NAV2: variants seen among roughly 807,000 people sequenced by gnomAD.
The protein encoded by NAV2 is helicase, APC down-regulated 1.
NAV2 carries 54 observed loss-of-function variants against 223.2 expected under a neutral mutation model. The ratio of observed to expected loss-of-function variants is 0.24; its 90% CI spans 0.19 to 0.30. The LOEUF is 0.30. Among genes scored for constraint, NAV2 ranks in the 10% least tolerant of loss-of-function variants. NAV2 has a pLI of 1.00. For synonymous variants in NAV2, 1,279 were observed against 1,239.3 expected (o/e 1.03, Z -0.67); for missense variants, 2,806 against 3,147.5 (o/e 0.89, Z 2.60).
At chr11:19,910,854 T>C (rs935224029) in intron 6 of NAV2, among the ~76,000 whole-genome samples, 3 of 152,082 alleles carry the variant, frequency 2.0e-5, no homozygotes, top group Non-Finnish European at 4.4e-5. Context: ...CGAGACTCTG[T>C]CTCCGAAACA....
chr11:19,813,289 G>A (rs2058933736), intron 1 of NAV2, among the ~76,000 whole-genome samples: 3 of 152,136 alleles, frequency 2.0e-5, no homozygotes, highest in Non-Finnish European at 4.4e-5. Flanking sequence ...AGCATGTAAG[G>A]TTTTGCTCTT....
chr11:19,895,938 C>A (rs1290175518), intron 6 of NAV2, among the ~76,000 whole-genome samples: 1 of 152,098 alleles, frequency 6.6e-6, no homozygotes, highest in Non-Finnish European at 1.5e-5. Flanking sequence ...TTGTCCTTCA[C>A]CTTGAGTTCT....
Position 19,717,940 on chromosome 11 carries a change from C to T in NAV2, c.267+3978C>T, listed in dbSNP as rs917330060. On this transcript the variant is annotated intron_variant, in intron 1 of 37. Transcript: ENST00000349880. ...TTCATCTCCATCAAGTGTGAAAAGA[C>T]CTAACTTAGCCAGCAAGTAGCTGTT... is the stretch of plus-strand genomic sequence containing the variant. 1.3e-4 allele frequency among the ~76,000 whole-genome samples: 20 copies of T among 152,174 alleles called. No homozygotes were observed. In the South Asian group the frequency reaches 2.3e-3, roughly 17 times the overall value.
chr11:19,990,052 A>G (rs1352793835), intron 11 of NAV2, among the ~76,000 whole-genome samples: 1 of 152,182 alleles, frequency 6.6e-6, no homozygotes, highest in Admixed American at 6.5e-5. Flanking sequence ...AAGAGGAAAA[A>G]GGGAATAGTT....
At chr11:19,853,608 T>C (rs1187684690) in intron 3 of NAV2, among the ~76,000 whole-genome samples, 2 of 152,234 alleles carry the variant, frequency 1.3e-5, no homozygotes, top group East Asian at 3.8e-4. Context: ...AGTCAAAAGT[T>C]TGGGCATTCC....
intron 6 of NAV2, among the ~76,000 whole-genome samples, chr11:19,932,257 A>AAAAG (rs1555153007): frequency 0.18 from 17,033 of 96,820 alleles, 1,552 homozygotes; most frequent in East Asian, 0.32. Context: ...AAAAAAAAAA[A>AAAAG]AAAGAAAGAA....
At chr11:19,365,299 C>T (rs909861124) in intron 1 of NAV2, among the ~76,000 whole-genome samples, 4 of 152,210 alleles carry the variant, frequency 2.6e-5, no homozygotes, top group South Asian at 4.1e-4. Flanking sequence ...TCACTTTCCT[C>T]TTATTCTTTC....
At chr11:19,852,989 A>G (rs1043809841) in intron 3 of NAV2, among the ~76,000 whole-genome samples, 6 of 152,372 alleles carry the variant, frequency 3.9e-5, no homozygotes, top group Non-Finnish European at 8.8e-5. Flanking sequence ...CTAAAGGTAT[A>G]TGAAAAGACA....
chr11:19,844,315 C>A (rs1001317452), intron 3 of NAV2, among the ~76,000 whole-genome samples: 5 of 152,154 alleles, frequency 3.3e-5, no homozygotes, highest in Non-Finnish European at 5.9e-5. Context: ...ATGCAATTGC[C>A]CCAGGCCATT....
chr11:19,583,807 A>G (rs1017007630), intron 1 of NAV2, among the ~76,000 whole-genome samples: 1 of 152,158 alleles, frequency 6.6e-6, no homozygotes, highest in Non-Finnish European at 1.5e-5. Flanking sequence ...TTTTGCATCA[A>G]TGTTCATCAG....
chr11:19,771,038 T>C (rs2055679290), intron 1 of NAV2, among the ~76,000 whole-genome samples: 1 of 152,196 alleles, frequency 6.6e-6, no homozygotes, highest in South Asian at 2.1e-4. Context: ...GGGACTCAGA[T>C]TCTTCTGGAA....
chr11:19,841,299 C>A (rs1565410185), intron 2 of NAV2, among the ~76,000 whole-genome samples: 1 of 152,200 alleles, frequency 6.6e-6, no homozygotes, highest in African/African-American at 2.4e-5. Flanking sequence ...TTTCACTTGT[C>A]TCTCAAGATA....
rs777730014 is a variant in NAV2, at chr11:19,713,847, C to G, written c.152C>G (p.Thr51Ser). 1 of 1,613,614 alleles carries G rather than the reference C, an allele frequency of 6.2e-7. No individual in the cohort carries two copies. Among genetic ancestry groups the G allele is most frequent in the Admixed American group, 1.7e-5 (1 of 60,028 alleles). Residue 51 changes from threonine to serine, a missense_variant, in exon 1 of 38, where the codon ACC (threonine) becomes AGC (serine). Coordinates refer to ENST00000349880, the MANE Select transcript of NAV2 (RefSeq NM_145117.5). This position sits in a 1 kb window ranked among gnomAD's most constrained non-coding sequence, Gnocchi z 7.2. ...LGSKVEVSKT[T>S]YPSQIPLKSQ... is the part of the protein sequence containing the mutation. The stretch of plus-strand genomic sequence containing the variant: ...AGCAAGGTGGAGGTGAGCAAGACCA[C>G]CTATCCTAGCCAGATCCCCCTGAAA...
chr11:19,528,159 C>A (rs1046979198), intron 1 of NAV2, among the ~76,000 whole-genome samples: 3 of 152,104 alleles, frequency 2.0e-5, no homozygotes, highest in Non-Finnish European at 2.9e-5. Flanking sequence ...TCTCCCACCC[C>A]AGTTTCATGT....
intron 1 of NAV2, among the ~76,000 whole-genome samples, chr11:19,725,773 T>A (rs2051183306): frequency 6.6e-6 from 1 of 152,250 alleles, no homozygotes; most frequent in Non-Finnish European, 1.5e-5. Context: ...CCCACACCCA[T>A]GTATTAGGCA....
At chr11:20,018,924 A>AT (rs2054249566) in intron 11 of NAV2, among the ~76,000 whole-genome samples, 1 of 152,194 alleles carries the variant, frequency 6.6e-6, no homozygotes, top group African/African-American at 2.4e-5. Flanking sequence ...AAGGAGGCAC[A>AT]GTGCGAGGGC....
At chr11:19,654,689 T>A (rs948693033) in intron 1 of NAV2, among the ~76,000 whole-genome samples, 11 of 152,238 alleles carry the variant, frequency 7.2e-5, no homozygotes, top group African/African-American at 2.4e-4. Flanking sequence ...GCTAGCCATA[T>A]GTAGAAAGCT....
rs11025357 is a variant in NAV2, at chr11:20,028,608, A to G, written c.2769-7351A>G. ...GCGCTACAATCTATAAGACACTGCC[A>G]TCTTTCAGATGAGCTGGAAGGCTGC... On this transcript the variant is annotated intron_variant, in intron 11 of 37. Coordinates refer to ENST00000349880, the MANE Select transcript of NAV2 (RefSeq NM_145117.5). Among the ~76,000 whole-genome samples the G allele has an allele frequency of 7.4e-3, 1,122 of 152,352 alleles. 15 individuals are homozygous for G. The highest frequency in any genetic ancestry group is 0.05 in the East Asian group (257 of 5,188).
chr11:20,107,057 A>ATTTTTTTTTTTTTT (rs10590815), intron 35 of NAV2, among the ~76,000 whole-genome samples: 1 of 27,254 alleles, frequency 3.7e-5, no homozygotes, highest in African/African-American at 1.4e-4. Context: ...ATGGGCTTCC[A>ATTTTTTTTTTTTTT]TTTTTTTTTT....
Sources: gnomAD v4.1 joint callset for allele counts (sites outside exome capture counted in the v4.1 genomes callset) on GRCh38, gnomAD v4.1.1 for gene constraint, Gnocchi (gnomAD v3.1) non-coding constraint, MANE v1.5 for transcripts, NCBI Gene and HGNC (gene_info 2026-07-23, HGNC 2026-07-21) for gene names.